The following IGSF21 variants were observed in gnomAD, a reference collection of about 807,000 sequenced individuals.
IGSF21 encodes the protein immunoglobulin superfamily member 21.
Under a neutral mutation model 46.8 loss-of-function variants are expected in IGSF21, and 28 were observed. The observed-to-expected ratio is 0.60, with a 90% CI of 0.44 to 0.82. The LOEUF is 0.82. IGSF21 is among the 40% of genes least tolerant of loss of function. IGSF21 has a pLI of 0.00. For synonymous variants in IGSF21, 284 were observed against 273.6 expected, an observed-to-expected ratio of 1.04 and a Z score of -0.38; for missense variants, 624 against 665.5, an observed-to-expected ratio of 0.94 and a Z score of 0.69.
chr1:18,235,935 T>C (rs2084668935), intron 2 of IGSF21, among the ~76,000 whole-genome samples: 1 of 151,878 alleles, frequency 6.6e-6, no homozygotes, highest in African/African-American at 2.4e-5. Context: ...AAGGGAAAAA[T>C]GTTCTGCTTA....
rs2085757339 is a variant in IGSF21 at position 18,335,472 on chromosome 1, C to T, written c.424+462C>T. Among the ~76,000 whole-genome samples the T allele has an allele frequency of 6.6e-6, 1 of 152,192 alleles. No homozygotes were observed. The highest frequency in any genetic ancestry group is 2.4e-5 in the African/African-American group (1 of 41,448). On this transcript the variant is annotated intron_variant, in intron 4 of 9. Coordinates refer to ENST00000251296, the MANE Select transcript of IGSF21 (RefSeq NM_032880.5). The surrounding 1 kb of genome is among the most constrained non-coding windows in gnomAD (Gnocchi z 4.8). ...CCCTCTCCCCATGCCTCCATTTATG[C>T]ACATGTAAAATGGAGGTAATAATAC...
At chr1:18,182,629 A>G (rs2086867607) in intron 1 of IGSF21, among the ~76,000 whole-genome samples, 1 of 152,172 alleles carries the variant, frequency 6.6e-6, no homozygotes, top group Admixed American at 6.5e-5. Flanking sequence ...GAGAGCAGAG[A>G]CTGTCTCTGT....
At chr1:18,187,308 A>G (rs1287538352) in intron 1 of IGSF21, among the ~76,000 whole-genome samples, 1 of 152,178 alleles carries the variant, frequency 6.6e-6, no homozygotes, top group East Asian at 1.9e-4. Flanking sequence ...TAATCCCATC[A>G]TAAGGGCCTG....
At chr1:18,270,515 C>T (rs2085032224) in intron 2 of IGSF21, among the ~76,000 whole-genome samples, 1 of 152,214 alleles carries the variant, frequency 6.6e-6, no homozygotes, top group African/African-American at 2.4e-5. Flanking sequence ...GGGCACTGAG[C>T]ACCAAGCTGG....
chr1:18,365,738 C>A lies in IGSF21; in HGVS notation c.1015+41C>A. ...GGCCCTTCTGTAGAGCCCTTGCAGA[C>A]CTGGGTGTGGGGAGAGCCTTGGAAT... is the stretch of plus-strand genomic sequence containing the variant. On this transcript the variant is annotated intron_variant, in intron 6 of 9. Coordinates refer to ENST00000251296, the MANE Select transcript of IGSF21 (RefSeq NM_032880.5). This position sits in a 1 kb window ranked among gnomAD's most constrained non-coding sequence, Gnocchi z 4.8. The A allele has an allele frequency of 6.5e-7, 1 of 1,526,768 alleles. No homozygotes were observed. Among genetic ancestry groups the A allele is most frequent in the Non-Finnish European group, 9.0e-7 (1 of 1,115,710 alleles). 94.6% of individuals were successfully genotyped at this position (1,526,768 alleles called of 1,614,324 possible). A position where few individuals can be genotyped will look rare whatever the true frequency, so the allele number is the denominator to read the frequency against.
intron 1 of IGSF21, among the ~76,000 whole-genome samples, chr1:18,121,320 T>C (rs2086231715): frequency 1.3e-5 from 2 of 152,200 alleles, no homozygotes; most frequent in African/African-American, 2.4e-5. Flanking sequence ...AGCTGGCTTC[T>C]ACGTGGAGAT....
intron 1 of IGSF21, among the ~76,000 whole-genome samples, chr1:18,122,503 C>A (rs1406556132): frequency 6.6e-6 from 1 of 151,724 alleles, no homozygotes; most frequent in Non-Finnish European, 1.5e-5. Context: ...CCCAACTGTA[C>A]TATTTTTTAC....
At chr1:18,368,340 C>T (rs1313591814) in intron 6 of IGSF21, among the ~76,000 whole-genome samples, 1 of 66,292 alleles carries the variant, frequency 1.5e-5, no homozygotes, top group Non-Finnish European at 3.3e-5. Flanking sequence ...CCCATCTCTA[C>T]TAAAAAAAAA....
chr1:18,196,313 A>G (rs1326711560), intron 1 of IGSF21, among the ~76,000 whole-genome samples: 1 of 152,056 alleles, frequency 6.6e-6, no homozygotes, highest in Non-Finnish European at 1.5e-5. Flanking sequence ...TTGGGTTATT[A>G]CTAAATGCTC....
At chr1:18,363,812 G>A (rs996233397) in intron 5 of IGSF21, among the ~76,000 whole-genome samples, 1 of 151,652 alleles carries the variant, frequency 6.6e-6, no homozygotes, top group African/African-American at 2.4e-5. Context: ...TAGAGACACA[G>A]GTGGGGCACT....
At chr1:18,131,254 A>G (rs1294621468) in intron 1 of IGSF21, among the ~76,000 whole-genome samples, 1 of 152,182 alleles carries the variant, frequency 6.6e-6, no homozygotes, top group Non-Finnish European at 1.5e-5. Flanking sequence ...CTGGTAGCTC[A>G]GACATAAACT....
intron 3 of IGSF21, among the ~76,000 whole-genome samples, chr1:18,311,307 G>A (rs1402774309): frequency 6.6e-6 from 1 of 152,094 alleles, no homozygotes; most frequent in Non-Finnish European, 1.5e-5. Context: ...ACCTCTGCCT[G>A]GCAAACCCCT....
intron 1 of IGSF21, among the ~76,000 whole-genome samples, chr1:18,128,925 C>T (rs895423345): frequency 5.3e-5 from 8 of 152,062 alleles, no homozygotes; most frequent in African/African-American, 1.9e-4. Context: ...GCCTCCAGCG[C>T]TTGGGTGAGT....
intron 2 of IGSF21, among the ~76,000 whole-genome samples, chr1:18,245,602 T>C (rs2084776612): frequency 1.3e-5 from 2 of 152,232 alleles, no homozygotes; most frequent in Non-Finnish European, 2.9e-5. Flanking sequence ...CTGAGTTGTC[T>C]AGGCATCCAG....
rs145949443 is a variant in IGSF21, at chr1:18,293,547, C to T, written c.305+1560C>T. Among the ~76,000 whole-genome samples the T allele has an allele frequency of 4.3e-3, 648 of 152,216 alleles. 6 individuals carry two copies. Among genetic ancestry groups the T allele is most frequent in the African/African-American group, 0.015 (608 of 41,530 alleles). On this transcript the variant is annotated intron_variant, in intron 3 of 9. Transcript: ENST00000251296. Reference sequence around the variant, plus strand: ...CAGCCGCACAAACTCCTTCATCCCCCTAGTTATGATTTCTCCTGAACCTGC... The same window carrying T: ...CAGCCGCACAAACTCCTTCATCCCCTTAGTTATGATTTCTCCTGAACCTGC...
At chr1:18,137,497 A>G (rs1429995707) in intron 1 of IGSF21, among the ~76,000 whole-genome samples, 1 of 152,148 alleles carries the variant, frequency 6.6e-6, no homozygotes, top group Non-Finnish European at 1.5e-5. Flanking sequence ...GGGGAAACTG[A>G]GGCTCTGAGA....
intron 1 of IGSF21, among the ~76,000 whole-genome samples, chr1:18,147,072 C>T (rs556798417): frequency 1.3e-5 from 2 of 152,334 alleles, no homozygotes; most frequent in East Asian, 1.9e-4. Context: ...ACGCCACTGC[C>T]ACCCCAGCCC....
At chr1:18,216,582 G>T (rs1410536480) in intron 1 of IGSF21, among the ~76,000 whole-genome samples, 1 of 152,148 alleles carries the variant, frequency 6.6e-6, no homozygotes, top group African/African-American at 2.4e-5. Context: ...AGGCCAGATT[G>T]GTGCAGAGTG....
Position 18,108,206 on chromosome 1 carries a change from C to T in IGSF21, c.70+8C>T. ...TCCTGGACCTGGCGCGCGGTGAGTGCGCGGGCGCCTGGCGGGAGCCGAGCG... is the reference window on the plus strand; with the variant it reads ...TCCTGGACCTGGCGCGCGGTGAGTGTGCGGGCGCCTGGCGGGAGCCGAGCG... On this transcript the variant is annotated splice_region_variant and intron_variant, in intron 1 of 9. Transcript: ENST00000251296. 1 of 1,387,166 alleles carries T rather than the reference C, an allele frequency of 7.2e-7. No homozygotes were observed. Among genetic ancestry groups the T allele is most frequent in the South Asian group, 1.6e-5 (1 of 62,380 alleles). The allele number at this position is 1,387,166 out of a possible 1,614,324, so 85.9% of individuals were successfully genotyped here.
Sources: allele counts gnomAD v4.1 joint callset (sites outside exome capture counted in the v4.1 genomes callset), GRCh38; gene constraint gnomAD v4.1.1; non-coding constraint Gnocchi (gnomAD v3.1); transcripts MANE v1.5; gene names NCBI Gene and HGNC (gene_info 2026-07-23, HGNC 2026-07-21).